Variants in UEVLD observed in about 807,000 individuals in gnomAD.
UEVLD encodes the protein UEV and lactate/malate dehyrogenase domains.
A neutral mutation model predicts 58.6 loss-of-function variants in UEVLD; 47 were observed. The ratio of observed to expected loss-of-function variants is 0.80; its 90% CI spans 0.63 to 1.02. UEVLD has a LOEUF of 1.02. Ranked by LOEUF, UEVLD falls within the 50% of genes least tolerant of loss-of-function variation. UEVLD has a pLI of 0.00. For missense variants in UEVLD, 510 were observed against 550.6 expected (o/e 0.93, Z 0.74); for synonymous variants, 197 against 195.3 (o/e 1.01, Z -0.07).
intron 1 of UEVLD, among the ~76,000 whole-genome samples, chr11:18,580,474 CTAAT>C (rs1024472716): frequency 4.0e-5 from 6 of 151,890 alleles, no homozygotes; most frequent in Admixed American, 3.9e-4. Context: ...TGTCCATTAA[CTAAT>C]GAATGAATAA....
Position 18,538,016 on chromosome 11 carries a change from T to C in UEVLD, c.1061-1547A>G, listed in dbSNP as rs182030905. 2.1e-3 allele frequency among the ~76,000 whole-genome samples: 326 copies of C among 152,346 alleles called. 2 individuals carry two copies. Among genetic ancestry groups the C allele is most frequent in the African/African-American group, 7.6e-3 (318 of 41,582 alleles). On this transcript the variant is annotated intron_variant, in intron 9 of 11. Transcript: ENST00000396197. Reference sequence around the variant, plus strand: ...GTAACATTTTGAAACCTTTCCAATGTTCACCTGTTTCTCATCTGTGTGAAG... The same window carrying C: ...GTAACATTTTGAAACCTTTCCAATGCTCACCTGTTTCTCATCTGTGTGAAG...
At chr11:18,533,665 A>G (rs72876735) in intron 11 of UEVLD, among the ~76,000 whole-genome samples, 15,995 of 152,248 alleles carry the variant, frequency 0.11, 834 homozygotes, top group Middle Eastern at 0.13. Flanking sequence ...CATGAGGGTG[A>G]GAAGGCAACC....
chr11:18,563,759 C>T (rs1434562320), intron 6 of UEVLD: 3 of 922,984 alleles, frequency 3.3e-6, no homozygotes, highest in Admixed American at 6.0e-5. Flanking sequence ...AATCCCAGCA[C>T]TTTGGGAGGC....
At chr11:18,535,343 T>C (rs1202831379) in intron 10 of UEVLD, among the ~76,000 whole-genome samples, 1 of 152,210 alleles carries the variant, frequency 6.6e-6, no homozygotes, top group East Asian at 1.9e-4. Flanking sequence ...TAATATTTTA[T>C]AGATATCTGC....
At chr11:18,533,712 C>T (rs907185394) in intron 11 of UEVLD, among the ~76,000 whole-genome samples, 1 of 152,100 alleles carries the variant, frequency 6.6e-6, no homozygotes. Context: ...TGTTTGTTTT[C>T]GAGACTGAGT....
At chr11:18,549,241 T>G (rs1044078705) in intron 7 of UEVLD, among the ~76,000 whole-genome samples, 3 of 152,188 alleles carry the variant, frequency 2.0e-5, no homozygotes, top group Non-Finnish European at 4.4e-5. Context: ...AGGAAACTGT[T>G]ATGTGGAGAG....
At position 18,570,367 on chromosome 11, in the gene UEVLD, A is replaced by G. The variant is rs542813818; in HGVS notation, c.204T>C (p.Tyr68=). The change falls in exon 4 of 12, where the codon TAT becomes TAC. Residue 68 remains tyrosine (Y), a synonymous_variant. Coordinates refer to ENST00000396197, the MANE Select transcript of UEVLD (RefSeq NM_001040697.4). The stretch of plus-strand genomic sequence containing the variant: ...AAATCCAGAAACGAATTGGTATGTT[A>G]TATGTATTACCTATTTGAGACAAAA... ...TIPVMYQGNT[Y]NIPIRFWILD... 10 of 1,555,520 alleles carry G rather than the reference A, an allele frequency of 6.4e-6. No homozygotes were observed. Among genetic ancestry groups the G allele is most frequent in the Non-Finnish European group, 8.6e-6 (10 of 1,159,402 alleles).
At chr11:18,561,511 C>T (rs953770943) in intron 6 of UEVLD, among the ~76,000 whole-genome samples, 2 of 149,270 alleles carry the variant, frequency 1.3e-5, no homozygotes, top group Non-Finnish European at 3.0e-5. Context: ...GTGGGAGAAT[C>T]GCTTGAACCC....
At chr11:18,566,269 T>G in intron 5 of UEVLD, 78 bp downstream of exon 5, 3 of 1,561,580 alleles carry the variant, frequency 1.9e-6, no homozygotes, top group Non-Finnish European at 1.7e-6. Flanking sequence ...AAAAATCAAG[T>G]GGCAGAAAGT....
At position 18,530,482 on chromosome 11, in the gene UEVLD, C is replaced by T. The variant is rs1405792774; in HGVS notation, c.*1838G>A. 1 of 152,174 alleles carries T rather than the reference C, an allele frequency of 6.6e-6. No individual in the cohort carries two copies. Among genetic ancestry groups the T allele is most frequent in the Non-Finnish European group, 1.5e-5 (1 of 68,038 alleles). The allele number at this position is 152,174 out of a possible 1,614,324, so 9.4% of individuals were successfully genotyped here. On this transcript the variant is annotated 3_prime_UTR_variant, in exon 12 of 12. Coordinates refer to ENST00000396197, the MANE Select transcript of UEVLD (RefSeq NM_001040697.4). ...AACAGCATTAGTTTGCCTATTTCCT[C>T]TTTACTAGGATGTGTCTGCCCTTAT...
At chr11:18,562,901 C>T (rs1221043676) in intron 6 of UEVLD, among the ~76,000 whole-genome samples, 1 of 151,904 alleles carries the variant, frequency 6.6e-6, no homozygotes, top group African/African-American at 2.4e-5. Flanking sequence ...TAAAAATTAC[C>T]TAGGTGTAGT....
At chr11:18,533,531 A>G (rs544376836) in intron 11 of UEVLD, among the ~76,000 whole-genome samples, 5 of 152,008 alleles carry the variant, frequency 3.3e-5, no homozygotes, top group African/African-American at 9.6e-5. Context: ...TACATGAGTA[A>G]GAATATGTGA....
chr11:18,544,654 T>C lies in UEVLD; in HGVS notation c.1029A>G (p.Val343=). ...VLKAQTSGKE[V]WVIGEQGEDK... ...CTTCTCCTTGCTCGCCAATAACCCA[T>C]ACTTCTTTGCCTGAAGTCTGTGCCT... is the stretch of plus-strand genomic sequence containing the variant. Residue 343 remains valine (V), a synonymous_variant, in exon 9 of 12, where the codon GTA becomes GTG. Coordinates refer to ENST00000396197, the MANE Select transcript of UEVLD (RefSeq NM_001040697.4). 2 of 1,594,858 alleles carry C rather than the reference T, an allele frequency of 1.3e-6. No individual in the cohort carries two copies. The highest frequency in any genetic ancestry group is 1.7e-6 in the Non-Finnish European group (2 of 1,173,610).
At chr11:18,550,021 A>G (rs7951508) in intron 7 of UEVLD, among the ~76,000 whole-genome samples, 56,232 of 147,402 alleles carry the variant, frequency 0.38, 10,971 homozygotes, top group East Asian at 0.67. Context: ...GGGGTTTCAC[A>G]ATGTTGGCCA....
At chr11:18,574,009 T>C (rs1393769316) in intron 3 of UEVLD, among the ~76,000 whole-genome samples, 1 of 152,198 alleles carries the variant, frequency 6.6e-6, no homozygotes, top group East Asian at 1.9e-4. Flanking sequence ...GTAAGCCACT[T>C]ATTCCTAAGC....
intron 11 of UEVLD, among the ~76,000 whole-genome samples, chr11:18,534,030 C>G (rs1297450033): frequency 6.6e-6 from 1 of 152,180 alleles, no homozygotes; most frequent in Admixed American, 6.5e-5. Context: ...CTCACTGCAG[C>G]CTCAACCTCC....
Position 18,542,890 on chromosome 11 carries a change from CT to C in UEVLD, c.1060+1732del, listed in dbSNP as rs890676886. On this transcript the variant is annotated intron_variant, in intron 9 of 11. Coordinates refer to ENST00000396197, the MANE Select transcript of UEVLD (RefSeq NM_001040697.4). Reference sequence around the variant, plus strand: ...CAGAGGAGTTATTTTCTTTTCTTTTCTTTTTTTTTTTTTTTTCTTTGAGACT... The same window carrying C: ...CAGAGGAGTTATTTTCTTTTCTTTTCTTTTTTTTTTTTTTTCTTTGAGACT... Among the ~76,000 whole-genome samples the C allele has an allele frequency of 3.9e-3, 496 of 125,882 alleles. 3 individuals are homozygous for C. Among genetic ancestry groups the C allele is most frequent in the African/African-American group, 7.4e-3 (258 of 34,826 alleles). The allele number at this position is 125,882 out of a possible 152,430, so 82.6% of individuals were successfully genotyped here.
chr11:18,556,470 A>G (rs577773179), intron 7 of UEVLD, among the ~76,000 whole-genome samples: 6 of 152,350 alleles, frequency 3.9e-5, no homozygotes, highest in Middle Eastern at 3.4e-3. Context: ...TTTTCTGACT[A>G]CCATTCCTTA....
At chr11:18,560,122 CACACACACACACACACAG>C (rs1375424568) in intron 6 of UEVLD, among the ~76,000 whole-genome samples, 108 of 88,286 alleles carry the variant, frequency 1.2e-3, no homozygotes, top group African/African-American at 4.2e-3. Flanking sequence ...CACACACACA[CACACACACACACACACAG>C]AGAGAGAAAG....
Sources: allele counts gnomAD v4.1 joint callset (sites outside exome capture counted in the v4.1 genomes callset), GRCh38; gene constraint gnomAD v4.1.1; transcripts MANE v1.5; gene names NCBI Gene and HGNC (gene_info 2026-07-23, HGNC 2026-07-21).